Variants in SPAG16 observed in about 807,000 individuals in gnomAD.
SPAG16 encodes sperm-associated antigen 16 protein.
A neutral mutation model predicts 80.4 loss-of-function variants in SPAG16; 86 were observed. The ratio of observed to expected loss-of-function variants is 1.07; its 90% CI spans 0.90 to 1.28. SPAG16 has a LOEUF of 1.28. SPAG16 is among the 50% of genes most tolerant of loss of function. SPAG16 has a pLI of 0.00. For synonymous variants in SPAG16, 294 were observed against 265.9 expected (o/e 1.11, Z -1.03); for missense variants, 870 against 765.3 (o/e 1.14, Z -1.61).
intron 15 of SPAG16, among the ~76,000 whole-genome samples, chr2:214,264,105 C>T (rs1691373099): frequency 6.6e-6 from 1 of 152,130 alleles, no homozygotes; most frequent in Non-Finnish European, 1.5e-5. Flanking sequence ...GTTGAAACCA[C>T]CTCCTGTTCT....
At chr2:213,376,494 A>T (rs1050745165) in intron 9 of SPAG16, among the ~76,000 whole-genome samples, 2 of 152,094 alleles carry the variant, frequency 1.3e-5, no homozygotes, top group African/African-American at 4.8e-5. Context: ...GCTAAAGTGT[A>T]AAATAAGGTG....
intron 11 of SPAG16, among the ~76,000 whole-genome samples, chr2:213,895,496 C>T (rs1173601581): frequency 6.6e-6 from 1 of 152,090 alleles, no homozygotes; most frequent in Non-Finnish European, 1.5e-5. Flanking sequence ...GCTGGAGTCA[C>T]ACTACCTGAC....
chr2:213,750,795 A>G (rs189410390), intron 10 of SPAG16, among the ~76,000 whole-genome samples: 1 of 152,338 alleles, frequency 6.6e-6, no homozygotes, highest in Admixed American at 6.5e-5. Context: ...TTCTGCTGGC[A>G]GACTCCTGAT....
At chr2:214,006,676 C>G (rs2047039327) in intron 12 of SPAG16, among the ~76,000 whole-genome samples, 1 of 152,202 alleles carries the variant, frequency 6.6e-6, no homozygotes, top group Non-Finnish European at 1.5e-5. Context: ...CTTTGCAGTG[C>G]TGTCATGCTC....
At chr2:214,384,059 A>G (rs1559260558) in intron 15 of SPAG16, among the ~76,000 whole-genome samples, 1 of 152,198 alleles carries the variant, frequency 6.6e-6, no homozygotes, top group Non-Finnish European at 1.5e-5. Flanking sequence ...TATTTTGAAT[A>G]TGAGCTACTA....
At chr2:214,126,418 G>A (rs1180620446) in intron 14 of SPAG16, among the ~76,000 whole-genome samples, 4 of 151,670 alleles carry the variant, frequency 2.6e-5, no homozygotes, top group African/African-American at 7.2e-5. Flanking sequence ...ACTTCAGGGT[G>A]TCGTGTTCTG....
intron 3 of SPAG16, among the ~76,000 whole-genome samples, 172 bp downstream of exon 3, chr2:213,297,529 C>G (rs1179570790): frequency 6.6e-6 from 1 of 152,140 alleles, no homozygotes; most frequent in Non-Finnish European, 1.5e-5. Flanking sequence ...GTCATATTTA[C>G]TCTTTTTTGG....
At chr2:213,401,950 G>A (rs889788201) in intron 9 of SPAG16, among the ~76,000 whole-genome samples, 8 of 151,810 alleles carry the variant, frequency 5.3e-5, no homozygotes, top group Admixed American at 2.0e-4. Context: ...AACTTCAAAC[G>A]TTTTAAATAA....
intron 10 of SPAG16, among the ~76,000 whole-genome samples, chr2:213,790,080 C>T (rs2070594437): frequency 6.6e-6 from 1 of 151,822 alleles, no homozygotes; most frequent in South Asian, 2.1e-4. Context: ...CCTTCTAATT[C>T]CACAACATCA....
At chr2:214,030,088 A>G (rs747493594) in intron 13 of SPAG16, among the ~76,000 whole-genome samples, 3 of 152,270 alleles carry the variant, frequency 2.0e-5, no homozygotes, top group Admixed American at 6.5e-5. Context: ...GCCCTTATTC[A>G]TCTTACATAA....
intron 6 of SPAG16, among the ~76,000 whole-genome samples, chr2:213,347,585 A>G (rs556477632): frequency 1.1e-3 from 174 of 152,078 alleles, no homozygotes; most frequent in Middle Eastern, 6.8e-3. Context: ...GGTATGTTGT[A>G]TCTTTGTTCT....
rs143966101 is a variant in SPAG16 at position 214,296,601 on chromosome 2, A to T, written c.1721-113539A>T. Among the ~76,000 whole-genome samples, 512 of 152,206 alleles carry T rather than the reference A, an allele frequency of 3.4e-3. 1 individual carries two copies. The highest frequency in any genetic ancestry group is 0.011 in the African/African-American group (477 of 41,514). On this transcript the variant is annotated intron_variant, in intron 15 of 15. Transcript: ENST00000331683. ...GCCACTCTGACTGGTGTGATGTGTT[A>T]TCTTATTGTGGTTTTAATTTGCATT...
chr2:213,427,113 GATA>G (rs1248756771), intron 9 of SPAG16, among the ~76,000 whole-genome samples: 3 of 151,934 alleles, frequency 2.0e-5, no homozygotes, highest in Non-Finnish European at 4.4e-5. Context: ...TAAAAATAAT[GATA>G]ATAATACATC....
intron 9 of SPAG16, among the ~76,000 whole-genome samples, chr2:213,473,898 T>C (rs955707293): frequency 6.6e-6 from 1 of 152,188 alleles, no homozygotes; most frequent in Non-Finnish European, 1.5e-5. Flanking sequence ...TTTAGTCTAG[T>C]TATAGATCTA....
intron 12 of SPAG16, among the ~76,000 whole-genome samples, chr2:213,970,088 T>C (rs2044943583): frequency 6.6e-6 from 1 of 152,146 alleles, no homozygotes; most frequent in Non-Finnish European, 1.5e-5. Context: ...GGAGCAAAAA[T>C]GTTCCCTCAG....
At chr2:213,866,598 T>TTTTTTTTTTTTTTTTTTTTTTGAG (rs2075693028) in intron 11 of SPAG16, among the ~76,000 whole-genome samples, 1 of 152,082 alleles carries the variant, frequency 6.6e-6, no homozygotes, top group African/African-American at 2.4e-5. Flanking sequence ...CTAAAACTCT[T>TTTTTTTTTTTTTTTTTTTTTTGAG]AATAAGATCT....
At chr2:214,212,673 T>G (rs983934239) in intron 15 of SPAG16, among the ~76,000 whole-genome samples, 5 of 152,210 alleles carry the variant, frequency 3.3e-5, no homozygotes, top group African/African-American at 1.2e-4. Flanking sequence ...TGGAAGAGCT[T>G]TTGTTTCCAG....
At chr2:213,532,066 T>C (rs1364139513) in intron 10 of SPAG16, among the ~76,000 whole-genome samples, 1 of 152,206 alleles carries the variant, frequency 6.6e-6, no homozygotes, top group African/African-American at 2.4e-5. Context: ...AGTATACCTA[T>C]TTGAAAAACT....
At chr2:213,593,800 A>C (rs1412608951) in intron 10 of SPAG16, among the ~76,000 whole-genome samples, 1 of 88,208 alleles carries the variant, frequency 1.1e-5, no homozygotes, top group East Asian at 4.0e-4. Context: ...TTTGGGACGG[A>C]GTCTGGCTCT....
Sources: gnomAD v4.1 joint callset for allele counts (sites outside exome capture counted in the v4.1 genomes callset) on GRCh38, gnomAD v4.1.1 for gene constraint, MANE v1.5 for transcripts, NCBI Gene and HGNC (gene_info 2026-07-23, HGNC 2026-07-21) for gene names.